SDHA: variants seen among roughly 807,000 people sequenced by gnomAD.
The protein encoded by SDHA is succinate dehydrogenase [ubiquinone] flavoprotein subunit, mitochondrial.
SDHA carries 48 observed loss-of-function variants against 78.4 expected under a neutral mutation model. That is an observed-to-expected ratio of 0.61 (90% confidence interval 0.49 to 0.78). SDHA has a LOEUF of 0.78. Ranked by LOEUF, SDHA falls within the 30% of genes least tolerant of loss-of-function variation. The pLI is 0.00. For synonymous variants in SDHA, 326 were observed against 353.9 expected, an observed-to-expected ratio of 0.92 and a Z score of 0.88; for missense variants, 680 against 892.7, an observed-to-expected ratio of 0.76 and a Z score of 3.04.
chr5:246,061 T>C (rs1237811912), intron 11 of SDHA, among the ~76,000 whole-genome samples: 1 of 151,746 alleles, frequency 6.6e-6, no homozygotes, highest in Non-Finnish European at 1.5e-5. Context: ...GAAAAGCAAG[T>C]CCATAAAGCC....
At chr5:232,146 T>A (rs1291565975) in intron 7 of SDHA, among the ~76,000 whole-genome samples, 1 of 152,208 alleles carries the variant, frequency 6.6e-6, no homozygotes, top group African/African-American at 2.4e-5. Flanking sequence ...CTTCTCTTTC[T>A]CTGTCAGTGT....
rs981171929 is a variant in SDHA at position 240,472 on chromosome 5, A to G, written c.1547A>G (p.Gln516Arg). ...IRTSELRLSMQKSMQNHAAVF... is the reference protein window; with the variant it reads ...IRTSELRLSMRKSMQNHAAVF... ...ACATCGGAACTGCGACTCAGCATGC[A>G]GAAGGTAAGAGCCTGGACTCGCTCT... The change falls in exon 11 of 15, where the codon CAG (glutamine) becomes CGG (arginine). Residue 516 changes from glutamine (Q) to arginine (R), a missense_variant. By Grantham distance (43) the Gln-to-Arg change is conservative. Coordinates refer to ENST00000264932, the MANE Select transcript of SDHA (RefSeq NM_004168.4). 1 of 1,592,058 alleles carries G rather than the reference A, an allele frequency of 6.3e-7. No homozygotes were observed. Among genetic ancestry groups the G allele is most frequent in the South Asian group, 1.1e-5 (1 of 90,594 alleles).
At position 233,638 on chromosome 5, in the gene SDHA, G is replaced by C. The variant is rs1328911130; in HGVS notation, c.1057G>C (p.Glu353Gln). ...TCGGTCCATGACTCTGGAGATCCGAGAAGGAAGGTGCGTGTGATTTACCAC... is the reference window on the plus strand; with the variant it reads ...TCGGTCCATGACTCTGGAGATCCGACAAGGAAGGTGCGTGTGATTTACCAC... ...VSRSMTLEIR[E>Q]GRGCGPEKDH... Residue 353 changes from glutamate to glutamine, a missense_variant, in exon 8 of 15, where the codon GAA becomes CAA. Transcript: ENST00000264932. The C allele has an allele frequency of 6.2e-7, 1 of 1,613,876 alleles. No individual in the cohort carries two copies. The highest frequency in any genetic ancestry group is 2.2e-5 in the East Asian group (1 of 44,888).
At chr5:264,741 C>T in the SDHA span, among the ~76,000 whole-genome samples, 10 of 152,270 alleles carry the variant, frequency 6.6e-5, no homozygotes, top group East Asian at 1.9e-4. Context: ...ATCGCCAGAA[C>T]GCAGCACTTC....
the SDHA span, among the ~76,000 whole-genome samples, chr5:266,421 C>T: frequency 2.0e-5 from 3 of 152,104 alleles, no homozygotes; most frequent in Admixed American, 6.5e-5. Context: ...GAACCCAAAA[C>T]AAACCTTCAG....
intron 3 of SDHA, 128 bp from the exon 4 acceptor site, chr5:225,289 TCA>T: frequency 8.5e-7 from 1 of 1,178,810 alleles, no homozygotes; most frequent in Non-Finnish European, 1.3e-6. Context: ...TCTGCTGAGG[TCA>T]GCCCTCACTG....
downstream of SDHA, among the ~76,000 whole-genome samples, chr5:259,053 C>T (rs1402699875): frequency 1.8e-5 from 1 of 54,074 alleles, no homozygotes; most frequent in South Asian, 7.2e-4. Flanking sequence ...CTCCGCCTCC[C>T]GCCACAGCAT....
chr5:238,622 A>G (rs1190072742), intron 10 of SDHA, among the ~76,000 whole-genome samples: 1 of 152,112 alleles, frequency 6.6e-6, no homozygotes, highest in African/African-American at 2.4e-5. Context: ...CTCCTGTCTC[A>G]GCCTCCCGAA....
At chr5:222,141 G>T (rs183548131) in intron 1 of SDHA, among the ~76,000 whole-genome samples, 1 of 151,942 alleles carries the variant, frequency 6.6e-6, no homozygotes. Context: ...AAGAATATTT[G>T]TTCTTTCTCA....
chr5:227,295 C>T (rs1735091636), intron 5 of SDHA, among the ~76,000 whole-genome samples: 2 of 152,226 alleles, frequency 1.3e-5, no homozygotes. Context: ...CAGGCGTGAG[C>T]CACCGCACCC....
intron 12 of SDHA, 83 bp downstream of exon 12, chr5:251,186 T>A: frequency 1.3e-6 from 2 of 1,538,690 alleles, no homozygotes; most frequent in Non-Finnish European, 1.8e-6. Flanking sequence ...CAGTGCTGAC[T>A]TAGTTCCGTG....
At chr5:265,930 G>A in the SDHA span, among the ~76,000 whole-genome samples, 1 of 151,898 alleles carries the variant, frequency 6.6e-6, no homozygotes, top group East Asian at 1.9e-4. Flanking sequence ...TTCAGTCCTG[G>A]GGGAACCCTA....
rs2126568639 is a variant in SDHA, at chr5:230,973, C to T, written c.868C>T (p.Leu290=). ...CAGGGCAGGCCTTCCTTGCCAGGACCTAGAGTTTGTTCAGTTCCACCCTAC... is the reference window on the plus strand; with the variant it reads ...CAGGGCAGGCCTTCCTTGCCAGGACTTAGAGTTTGTTCAGTTCCACCCTAC... ...ITRAGLPCQD[L]EFVQFHPTGI... The change falls in exon 7 of 15, where the codon CTA becomes TTA. Residue 290 remains leucine (L), a synonymous_variant. Coordinates refer to ENST00000264932, the MANE Select transcript of SDHA (RefSeq NM_004168.4). 1 of 1,613,980 alleles carries T rather than the reference C, an allele frequency of 6.2e-7. No individual in the cohort carries two copies. The highest frequency in any genetic ancestry group is 8.5e-7 in the Non-Finnish European group (1 of 1,179,862).
At position 222,288 on chromosome 5, in the gene SDHA, GA is replaced by G. The variant is rs200357904; in HGVS notation, c.64-1192del. 7.1e-3 allele frequency among the ~76,000 whole-genome samples: 1,074 copies of G among 151,580 alleles called. 15 individuals are homozygous for G. The highest frequency in any genetic ancestry group is 0.025 in the African/African-American group (1,052 of 41,302). ...GAATTGCAAGTATTTCTAAATACTT[GA>G]AGACATTCCTCACATCCCCTCTTCT... On this transcript the variant is annotated intron_variant, in intron 1 of 14. Coordinates refer to ENST00000264932, the MANE Select transcript of SDHA (RefSeq NM_004168.4).
At chr5:263,860 A>C in the SDHA span, among the ~76,000 whole-genome samples, 1 of 152,164 alleles carries the variant, frequency 6.6e-6, no homozygotes, top group African/African-American at 2.4e-5. Context: ...GACTGCCTCA[A>C]AAAAAACTCT....
downstream of SDHA, among the ~76,000 whole-genome samples, chr5:258,873 T>C (rs1330076493): frequency 1.9e-5 from 1 of 52,294 alleles, no homozygotes; most frequent in Admixed American, 1.9e-4. Context: ...TCTCAGAGCC[T>C]TGCCGTGAGC....
chr5:241,066 C>G (rs914585240), intron 11 of SDHA, among the ~76,000 whole-genome samples: 3 of 151,960 alleles, frequency 2.0e-5, no homozygotes, highest in African/African-American at 7.3e-5. Flanking sequence ...GACCAGGAGG[C>G]CTGAACTATA....
At chr5:241,970 A>G (rs566447855) in intron 11 of SDHA, among the ~76,000 whole-genome samples, 1 of 152,362 alleles carries the variant, frequency 6.6e-6, no homozygotes, top group African/African-American at 2.4e-5. Flanking sequence ...GGATATAGAA[A>G]TGGCAAATCC....
intron 11 of SDHA, among the ~76,000 whole-genome samples, chr5:241,810 G>T (rs1271114220): frequency 6.6e-6 from 1 of 152,248 alleles, no homozygotes; most frequent in East Asian, 1.9e-4. Flanking sequence ...TTCAAGTGAA[G>T]CTGGGCTTCA....
Sources: gnomAD v4.1 joint callset for allele counts (sites outside exome capture counted in the v4.1 genomes callset) on GRCh38, gnomAD v4.1.1 for gene constraint, MANE v1.5 for transcripts, NCBI Gene and HGNC (gene_info 2026-07-23, HGNC 2026-07-21) for gene names.